Variants in RHOC observed in about 807,000 individuals in gnomAD.
RHOC encodes rho-related GTP-binding protein RhoC.
RHOC carries 13 observed loss-of-function variants against 19.5 expected under a neutral mutation model. That is an observed-to-expected ratio of 0.67 (90% CI 0.43 to 1.06). The LOEUF is 1.06. Ranked by LOEUF, RHOC falls within the 50% of genes least tolerant of loss-of-function variation. The pLI, the probability that RHOC is intolerant of heterozygous loss-of-function variation, is 0.00. For synonymous variants in RHOC, 106 were observed against 97.3 expected (o/e 1.09, Z -0.52); for missense variants, 173 against 256.9 (o/e 0.67, Z 2.23).
rs1674634312 is a variant in RHOC, at chr1:112,701,624, T to C, written c.498A>G (p.Gly166=). ...TGGCCATCTCAAACACCTCCCGCAC[T>C]CCCTCCTTGGTCTTGGCTGAGCACT... The part of the protein sequence containing the change: ...YLECSAKTKE[G]VREVFEMATR... The change falls in exon 6 of 6, where the codon GGA becomes GGG. Residue 166 remains glycine, a synonymous_variant. Coordinates refer to ENST00000339083, the MANE Select transcript of RHOC (RefSeq NM_175744.5). 1.9e-6 allele frequency: 3 copies of C among 1,614,028 alleles called. No individual in the cohort carries two copies. The highest frequency in any genetic ancestry group is 2.5e-6 in the Non-Finnish European group (3 of 1,179,972).
chr1:112,704,981 G>A (rs1674788605), intron 2 of RHOC, 119 bp downstream of exon 2: 2 of 658,920 alleles, frequency 3.0e-6, no homozygotes, highest in Admixed American at 4.2e-5. Flanking sequence ...AGGGCAAGGA[G>A]TCAGCTTCCC....
chr1:112,701,657 G>A lies in RHOC; in HGVS notation c.465C>T (p.Gly155=), dbSNP rs781243701. ...RDMANRISAF[G]YLECSAKTKE... ...TGGTCTTGGCTGAGCACTCAAGGTA[G>A]CCAAAGGCACTGATCCGGTTCGCCA... The change falls in exon 6 of 6, where the codon GGC becomes GGT. Residue 155 remains glycine (G), a synonymous_variant. Transcript: ENST00000339083. 1 of 1,614,096 alleles carries A rather than the reference G, an allele frequency of 6.2e-7. No homozygotes were observed. Among genetic ancestry groups the A allele is most frequent in the Admixed American group, 1.7e-5 (1 of 60,022 alleles).
At position 112,701,449 on chromosome 1, in the gene RHOC, A is replaced by G; in HGVS notation, c.*91T>C. The G allele has an allele frequency of 1.2e-6, 2 of 1,612,788 alleles. No individual in the cohort carries two copies. Among genetic ancestry groups the G allele is most frequent in the East Asian group, 4.5e-5 (2 of 44,838 alleles). On this transcript the variant is annotated 3_prime_UTR_variant, in exon 6 of 6. Transcript: ENST00000339083. ...GAGGGAACTGAAAATGGGAGCCTTCAGCATGGAGCCCTCAGGAGGCTGGGG... is the reference window on the plus strand; with the variant it reads ...GAGGGAACTGAAAATGGGAGCCTTCGGCATGGAGCCCTCAGGAGGCTGGGG...
intron 3 of RHOC, 117 bp downstream of exon 3, chr1:112,703,527 T>G (rs1386543939): frequency 3.4e-6 from 3 of 886,584 alleles, no homozygotes; most frequent in Non-Finnish European, 5.4e-6. Flanking sequence ...TTTTACTGGT[T>G]CCAGCAGGGA....
intron 1 of RHOC, among the ~76,000 whole-genome samples, chr1:112,706,495 CACACACA>C (rs1557780838): frequency 1.1e-4 from 4 of 36,730 alleles, no homozygotes; most frequent in Admixed American, 2.6e-4. Context: ...CACACACACA[CACACACA>C]CACACACACA....
chr1:112,704,249 C>G (rs920464512), intron 2 of RHOC: 1 of 165,644 alleles, frequency 6.0e-6, no homozygotes, highest in Admixed American at 5.9e-5. Context: ...AAGGTCCAAT[C>G]TAGAACAGAC....
At chr1:112,705,736 G>A (rs1399638452) in intron 1 of RHOC, 6 of 450,172 alleles carry the variant, frequency 1.3e-5, no homozygotes, top group Non-Finnish European at 2.7e-5. Flanking sequence ...ACCTTGCCCT[G>A]TTTTGTAAAG....
intron 5 of RHOC, 115 bp downstream of exon 5, chr1:112,702,448 A>G: frequency 8.7e-7 from 1 of 1,144,526 alleles, no homozygotes; most frequent in East Asian, 2.4e-5. Flanking sequence ...ACCAGGAGAT[A>G]TTACTGTTTC....
chr1:112,705,766 A>G (rs1020393466), intron 1 of RHOC: 3 of 429,044 alleles, frequency 7.0e-6, no homozygotes, highest in African/African-American at 2.0e-5. Flanking sequence ...GGTAGCCCCA[A>G]CCTGGGGTGG....
At chr1:112,704,994 G>T (rs570065877) in intron 2 of RHOC, 106 bp downstream of exon 2, 121 of 668,300 alleles carry the variant, frequency 1.8e-4, no homozygotes, top group Admixed American at 7.0e-4. Flanking sequence ...AGCTTCCCGG[G>T]CTTCCATGTG....
In RHOC at chr1:112,701,385, C is replaced by T. The variant is rs1674621578; in HGVS notation, c.*155G>A. 2 of 1,541,406 alleles carry T rather than the reference C, an allele frequency of 1.3e-6. No individual in the cohort carries two copies. Among genetic ancestry groups the T allele is most frequent in the South Asian group, 1.2e-5 (1 of 82,634 alleles). On this transcript the variant is annotated 3_prime_UTR_variant, in exon 6 of 6. Transcript: ENST00000339083. ...GAGCGCTGGGAGGGAGGGCCCGTGC[C>T]ACCACCTCGGGGCTAGAAAACAATG...
intron 1 of RHOC, chr1:112,706,066 G>C (rs903257437): frequency 1.0e-5 from 2 of 196,308 alleles, no homozygotes; most frequent in Admixed American, 1.1e-4. Context: ...CAGCCCCAGA[G>C]GGACTGTCCC....
chr1:112,706,485 CACACACACA>C (rs1674881556), intron 1 of RHOC, among the ~76,000 whole-genome samples: 1 of 19,924 alleles, frequency 5.0e-5, no homozygotes. Flanking sequence ...CACACACACA[CACACACACA>C]CACACACACA....
At chr1:112,703,192 T>C in intron 3 of RHOC, 73 bp from the exon 4 acceptor site, 2 of 1,572,128 alleles carry the variant, frequency 1.3e-6, no homozygotes, top group Non-Finnish European at 1.7e-6. Context: ...CTGAAACCAC[T>C]GTCCTTCGGG....
intron 3 of RHOC, 37 bp downstream of exon 3, chr1:112,703,607 T>A (rs937053): frequency 0.54 from 808,121 of 1,497,174 alleles, 217,351 homozygotes; most frequent in South Asian, 0.64. Flanking sequence ...GGGGGCGGGG[T>A]CTCAGGGTGG....
intron 1 of RHOC, 150 bp from the exon 2 acceptor site, chr1:112,705,318 T>C: frequency 4.7e-6 from 3 of 638,316 alleles, no homozygotes; most frequent in East Asian, 2.7e-5. Flanking sequence ...GCTTTTTCTC[T>C]CAGTCCCACA....
At chr1:112,705,984 A>G (rs2101467994) in intron 1 of RHOC, 1 of 288,988 alleles carries the variant, frequency 3.5e-6, no homozygotes. Context: ...TGATTGGGCC[A>G]GAACAGCAGG....
Position 112,705,100 on chromosome 1 carries a change from C to T in RHOC, c.-8G>A. The stretch of plus-strand genomic sequence containing the variant: ...TCCTTCCCTGGGGAGGGGAACTGAC[C>T]TCCAGCCGGCTGAAGTTCCCAGGCT... On this transcript the variant is annotated splice_region_variant and 5_prime_UTR_variant, in exon 2 of 6. Coordinates refer to ENST00000339083, the MANE Select transcript of RHOC (RefSeq NM_175744.5). The T allele has an allele frequency of 1.4e-6, 1 of 702,450 alleles. No homozygotes were observed. Among genetic ancestry groups the T allele is most frequent in the East Asian group, 2.7e-5 (1 of 37,284 alleles). 43.5% of individuals were successfully genotyped at this position (702,450 alleles called of 1,614,324 possible).
Position 112,703,077 on chromosome 1 carries a change from CAT to C in RHOC, c.197_198del (p.Tyr66Ter). The C allele has an allele frequency of 6.2e-7, 1 of 1,614,212 alleles. No homozygotes were observed. The highest frequency in any genetic ancestry group is 8.5e-7 in the Non-Finnish European group (1 of 1,180,046). ...GGGTAGGAGAGAGGCCGCAGTCGAT[CAT>C]AGTCTTCCTGCCCTGCTGTGTCCCA... is the stretch of plus-strand genomic sequence containing the variant. The part of the protein sequence containing the change: ...ALWDTAGQED[Y>X]DRLRPLSYPD... On this transcript the variant is annotated frameshift_variant, in exon 4 of 6. Transcript: ENST00000339083. LOFTEE classifies it high-confidence loss of function.
Sources: allele counts gnomAD v4.1 joint callset (sites outside exome capture counted in the v4.1 genomes callset), GRCh38; gene constraint gnomAD v4.1.1; transcripts MANE v1.5; gene names NCBI Gene and HGNC (gene_info 2026-07-23, HGNC 2026-07-21).